LYPLAL1: variants seen among roughly 807,000 people sequenced by gnomAD.
The protein encoded by LYPLAL1 is lysophospholipase like 1.
Under a neutral mutation model 19.7 loss-of-function variants are expected in LYPLAL1, and 23 were observed. That is an observed-to-expected ratio of 1.17 (90% CI 0.84 to 1.65). The LOEUF (loss-of-function observed/expected upper bound fraction) is 1.65. Ranked by LOEUF, LYPLAL1 falls within the 40% of genes most tolerant of loss-of-function variation. The pLI is 0.00. For synonymous variants in LYPLAL1, 119 were observed against 96.3 expected (o/e 1.24, Z -1.38); for missense variants, 355 against 279.4 (o/e 1.27, Z -1.93).
At chr1:219,419,225 A>G in the LYPLAL1 span, among the ~76,000 whole-genome samples, 1 of 152,196 alleles carries the variant, frequency 6.6e-6, no homozygotes, top group African/African-American at 2.4e-5. Flanking sequence ...AGTTTTGTTA[A>G]GAAACTGCCA....
At chr1:219,389,737 A>G in the LYPLAL1 span, among the ~76,000 whole-genome samples, 2 of 152,174 alleles carry the variant, frequency 1.3e-5, no homozygotes, top group Non-Finnish European at 2.9e-5. Context: ...TGAGTCAGTT[A>G]TATTAGGTTG....
chr1:219,270,784 T>C, the LYPLAL1 span: 1 of 152,156 alleles, frequency 6.6e-6, no homozygotes, highest in Admixed American at 6.5e-5. Context: ...TTTTTTGATG[T>C]TGTTGTTAAA....
At chr1:219,353,612 G>A in the LYPLAL1 span, among the ~76,000 whole-genome samples, 1 of 152,132 alleles carries the variant, frequency 6.6e-6, no homozygotes, top group Non-Finnish European at 1.5e-5. Flanking sequence ...TTTAAAATAA[G>A]CATGAAAGGA....
the LYPLAL1 span, among the ~76,000 whole-genome samples, chr1:219,342,391 C>T: frequency 1.3e-5 from 2 of 152,116 alleles, no homozygotes; most frequent in South Asian, 4.1e-4. Context: ...AGGTTTCTCT[C>T]TTTTAATACA....
chr1:219,428,061 A>T, the LYPLAL1 span, among the ~76,000 whole-genome samples: 1 of 152,090 alleles, frequency 6.6e-6, no homozygotes, highest in Non-Finnish European at 1.5e-5. Context: ...TCTGAGAAAA[A>T]CCCACAGCTG....
the LYPLAL1 span, among the ~76,000 whole-genome samples, chr1:219,247,834 C>T: frequency 6.6e-6 from 1 of 152,008 alleles, no homozygotes; most frequent in Admixed American, 6.6e-5. Flanking sequence ...AAGCCTCATG[C>T]ACATGGTGCT....
At chr1:219,424,913 CTTG>C in the LYPLAL1 span, among the ~76,000 whole-genome samples, 3 of 152,136 alleles carry the variant, frequency 2.0e-5, no homozygotes, top group East Asian at 1.9e-4. Context: ...GTATTGAGGA[CTTG>C]TTGTGGGTAT....
chr1:219,292,036 C>T, the LYPLAL1 span, among the ~76,000 whole-genome samples: 1 of 152,206 alleles, frequency 6.6e-6, no homozygotes, highest in Non-Finnish European at 1.5e-5. Flanking sequence ...AAAGCAGGCA[C>T]CTGGGTGTGC....
Position 219,210,643 on chromosome 1 carries a change from A to G in LYPLAL1, c.473A>G (p.Tyr158Cys), listed in dbSNP as rs1222865155. The G allele has an allele frequency of 2.5e-6, 4 of 1,603,766 alleles. No homozygotes were observed. The highest frequency in any genetic ancestry group is 3.4e-6 in the Non-Finnish European group (4 of 1,175,778). The change falls in exon 4 of 5, where the codon TAC (tyrosine) becomes TGC (cysteine). Residue 158 changes from tyrosine to cysteine, a missense_variant. By Grantham distance (194) the Tyr-to-Cys change is radical. Coordinates refer to ENST00000366928, the MANE Select transcript of LYPLAL1 (RefSeq NM_138794.5). ...TTTCTGAATAAAGCATCTGCTGTTT[A>G]CCAGGTAAGTTCCAGATTTAAAAAA... ...SSFLNKASAV[Y>C]QALQKSNGVL...
the LYPLAL1 span, among the ~76,000 whole-genome samples, chr1:219,402,221 T>C: frequency 6.6e-6 from 1 of 152,220 alleles, no homozygotes; most frequent in Non-Finnish European, 1.5e-5. Context: ...ACATTTTATA[T>C]AATGATGTCA....
chr1:219,182,446 A>G (rs149723407), intron 2 of LYPLAL1, among the ~76,000 whole-genome samples: 6 of 152,064 alleles, frequency 3.9e-5, no homozygotes, highest in African/African-American at 1.2e-4. Flanking sequence ...CTATTATGGC[A>G]ATGTTTCTTG....
chr1:219,338,986 T>C, the LYPLAL1 span, among the ~76,000 whole-genome samples: 2 of 151,968 alleles, frequency 1.3e-5, no homozygotes, highest in Admixed American at 6.6e-5. Flanking sequence ...TGTGTAAATA[T>C]ATATGTGTAT....
the LYPLAL1 span, among the ~76,000 whole-genome samples, chr1:219,407,435 C>T: frequency 1.3e-5 from 2 of 152,034 alleles, no homozygotes; most frequent in African/African-American, 4.8e-5. Flanking sequence ...ACTAAAACAC[C>T]ATAAGTGCTT....
the LYPLAL1 span, among the ~76,000 whole-genome samples, chr1:219,315,275 T>G: frequency 6.6e-6 from 1 of 152,228 alleles, no homozygotes; most frequent in Non-Finnish European, 1.5e-5. Context: ...TCAGGATTCA[T>G]ATAAATTTTG....
the LYPLAL1 span, among the ~76,000 whole-genome samples, chr1:219,346,063 C>G: frequency 3.3e-5 from 5 of 152,136 alleles, no homozygotes; most frequent in Admixed American, 1.3e-4. Flanking sequence ...TACTGAAACA[C>G]CAGGGGTTTG....
At chr1:219,394,529 C>T in the LYPLAL1 span, among the ~76,000 whole-genome samples, 217 of 152,322 alleles carry the variant, frequency 1.4e-3, no homozygotes, top group African/African-American at 4.1e-3. Flanking sequence ...ATTCTACTTT[C>T]TGTCTCTGTG....
intron 3 of LYPLAL1, among the ~76,000 whole-genome samples, chr1:219,206,503 A>G (rs1192736765): frequency 1.3e-5 from 2 of 152,078 alleles, no homozygotes; most frequent in East Asian, 1.9e-4. Context: ...GCTAAAGGTC[A>G]TTGTATTGTC....
the LYPLAL1 span, chr1:219,273,127 A>G: frequency 6.6e-6 from 1 of 152,226 alleles, no homozygotes; most frequent in East Asian, 1.9e-4. Context: ...TTAATACCAT[A>G]TGTTAAGATT....
chr1:219,310,838 A>G, the LYPLAL1 span, among the ~76,000 whole-genome samples: 1 of 152,238 alleles, frequency 6.6e-6, no homozygotes, highest in Non-Finnish European at 1.5e-5. Flanking sequence ...CAGTTCAACT[A>G]CATGTTCTCT....
Sources: allele counts gnomAD v4.1 joint callset (sites outside exome capture counted in the v4.1 genomes callset), GRCh38; gene constraint gnomAD v4.1.1; transcripts MANE v1.5; gene names NCBI Gene and HGNC (gene_info 2026-07-23, HGNC 2026-07-21).